The following SIPA1L2 variants were observed in gnomAD, a reference collection of about 807,000 sequenced individuals.
SIPA1L2 encodes the protein signal induced proliferation associated 1 like 2.
Under a neutral mutation model 163.9 loss-of-function variants are expected in SIPA1L2, and 56 were observed. The ratio of observed to expected loss-of-function variants is 0.34; its 90% CI spans 0.28 to 0.43. The LOEUF is 0.43. Ranked by LOEUF, SIPA1L2 falls within the 20% of genes least tolerant of loss-of-function variation. SIPA1L2 has a pLI of 1.00. For synonymous variants in SIPA1L2, 877 were observed against 865.7 expected, an observed-to-expected ratio of 1.01 and a Z score of -0.23; for missense variants, 1,974 against 2,193.5, an observed-to-expected ratio of 0.90 and a Z score of 2.00.
intron 2 of SIPA1L2, 63 bp from the exon 3 acceptor site, chr1:232,515,671 T>A (rs748037679): frequency 4.1e-6 from 1 of 243,260 alleles, no homozygotes; most frequent in South Asian, 9.7e-5. Flanking sequence ...ACACATTCTA[T>A]GATAAATTTC....
intron 9 of SIPA1L2, among the ~76,000 whole-genome samples, chr1:232,461,423 G>A (rs143419347): frequency 5.9e-5 from 9 of 152,370 alleles, no homozygotes; most frequent in African/African-American, 1.4e-4. Context: ...TTCATTCTAA[G>A]TCATATCTGT....
intron 3 of SIPA1L2, among the ~76,000 whole-genome samples, chr1:232,497,254 A>G (rs376459601): frequency 6.6e-6 from 1 of 152,224 alleles, no homozygotes; most frequent in Non-Finnish European, 1.5e-5. Context: ...TGGTAACACC[A>G]TATTTACTTC....
intron 1 of SIPA1L2, among the ~76,000 whole-genome samples, chr1:232,589,651 T>C (rs372679084): frequency 1.3e-5 from 2 of 152,354 alleles, no homozygotes; most frequent in Non-Finnish European, 2.9e-5. Context: ...GACACTTAAA[T>C]GGGCAAAGCA....
At chr1:232,412,125 T>G (rs1437844113) in intron 19 of SIPA1L2, among the ~76,000 whole-genome samples, 2 of 152,146 alleles carry the variant, frequency 1.3e-5, no homozygotes, top group Non-Finnish European at 1.5e-5. Context: ...TATAGTATAG[T>G]GGTATAGTAA....
At chr1:232,535,199 T>C (rs1237844204) in intron 2 of SIPA1L2, among the ~76,000 whole-genome samples, 3 of 152,160 alleles carry the variant, frequency 2.0e-5, no homozygotes, top group African/African-American at 7.2e-5. Context: ...AGGTTCCCAG[T>C]CTGCCAGAGA....
chr1:232,412,768 G>A (rs1244015454), intron 19 of SIPA1L2, among the ~76,000 whole-genome samples: 1 of 152,076 alleles, frequency 6.6e-6, no homozygotes, highest in African/African-American at 2.4e-5. Flanking sequence ...ACCCTATGGA[G>A]CAGCATCAAA....
intron 3 of SIPA1L2, among the ~76,000 whole-genome samples, chr1:232,495,042 G>C (rs1352655968): frequency 6.6e-6 from 1 of 152,106 alleles, no homozygotes; most frequent in Non-Finnish European, 1.5e-5. Context: ...ATTTCTGAAG[G>C]AATAAGAAAC....
chr1:232,418,745 AT>A (rs1250969618), intron 18 of SIPA1L2, among the ~76,000 whole-genome samples: 1 of 152,166 alleles, frequency 6.6e-6, no homozygotes, highest in African/African-American at 2.4e-5. Flanking sequence ...TGTTGGTGAC[AT>A]TTTTTCTTTA....
chr1:232,437,679 G>A (rs1011116907), intron 15 of SIPA1L2, among the ~76,000 whole-genome samples: 11 of 152,102 alleles, frequency 7.2e-5, no homozygotes, highest in Non-Finnish European at 1.2e-4. Flanking sequence ...CCCAAGTGCC[G>A]TAGACGATGC....
intron 9 of SIPA1L2, among the ~76,000 whole-genome samples, chr1:232,462,031 G>C (rs891977934): frequency 2.6e-5 from 4 of 152,182 alleles, no homozygotes; most frequent in African/African-American, 9.7e-5. Flanking sequence ...CCTAGGGGCT[G>C]AGGGCAGCCC....
intron 19 of SIPA1L2, among the ~76,000 whole-genome samples, chr1:232,404,650 T>C (rs1487686097): frequency 1.3e-5 from 2 of 152,130 alleles, no homozygotes; most frequent in African/African-American, 4.8e-5. Flanking sequence ...TAATATTCAA[T>C]GTTTTAAGAG....
chr1:232,439,541 C>T, intron 14 of SIPA1L2, 45 bp from the exon 15 acceptor site: 2 of 1,569,500 alleles, frequency 1.3e-6, no homozygotes, highest in Non-Finnish European at 1.7e-6. Context: ...GAATCTTGAA[C>T]TCAGGTGCTT....
chr1:232,614,495 C>A (rs1207823741), intron 1 of SIPA1L2, among the ~76,000 whole-genome samples: 2 of 152,222 alleles, frequency 1.3e-5, no homozygotes, highest in African/African-American at 4.8e-5. Flanking sequence ...AATTCCCAAA[C>A]TGCCACAGCA....
At chr1:232,439,765 A>T (rs1246529241) in intron 14 of SIPA1L2, among the ~76,000 whole-genome samples, 1 of 152,242 alleles carries the variant, frequency 6.6e-6, no homozygotes, top group African/African-American at 2.4e-5. Flanking sequence ...AACTATGGCC[A>T]CAGTGTCACT....
chr1:232,528,117 A>G (rs978528986), intron 2 of SIPA1L2, among the ~76,000 whole-genome samples: 1 of 120,946 alleles, frequency 8.3e-6, no homozygotes, highest in Non-Finnish European at 1.7e-5. Context: ...ACTTTCTAAA[A>G]ACCACAGGTA....
intron 18 of SIPA1L2, among the ~76,000 whole-genome samples, chr1:232,417,760 A>C (rs890339828): frequency 6.6e-6 from 1 of 152,236 alleles, no homozygotes; most frequent in Non-Finnish European, 1.5e-5. Context: ...TGCTTTGCTC[A>C]AGGCAAGTTT....
intron 1 of SIPA1L2, among the ~76,000 whole-genome samples, chr1:232,605,221 C>T (rs1661834426): frequency 6.6e-6 from 1 of 152,044 alleles, no homozygotes; most frequent in Non-Finnish European, 1.5e-5. Context: ...TCCATGTTGC[C>T]CAGTCTGGTG....
chr1:232,549,478 T>A (rs1201187862), intron 2 of SIPA1L2, among the ~76,000 whole-genome samples: 1 of 152,204 alleles, frequency 6.6e-6, no homozygotes, highest in African/African-American at 2.4e-5. Context: ...AAGCAGTTGG[T>A]AGAGAAGAAG....
intron 20 of SIPA1L2, 74 bp downstream of exon 20, chr1:232,404,051 G>A: frequency 6.5e-7 from 1 of 1,537,274 alleles, no homozygotes; most frequent in Non-Finnish European, 9.0e-7. Flanking sequence ...TAACCATGCA[G>A]ACGTGCAGAC....
Sources: allele counts gnomAD v4.1 joint callset (sites outside exome capture counted in the v4.1 genomes callset), GRCh38; gene constraint gnomAD v4.1.1; transcripts MANE v1.5; gene names NCBI Gene and HGNC (gene_info 2026-07-23, HGNC 2026-07-21).